Variants in SLC2A12 observed in about 807,000 individuals in gnomAD.
SLC2A12 encodes the protein solute carrier family 2, facilitated glucose transporter member 12.
Under a neutral mutation model 41.8 loss-of-function variants are expected in SLC2A12, and 23 were observed. The ratio of observed to expected loss-of-function variants is 0.55; its 90% CI spans 0.40 to 0.78. SLC2A12 has a LOEUF of 0.78. Ranked by LOEUF, SLC2A12 falls within the 30% of genes least tolerant of loss-of-function variation. SLC2A12 has a pLI of 0.00. For missense variants in SLC2A12, 654 were observed against 745.6 expected, an observed-to-expected ratio of 0.88 and a Z score of 1.43; for synonymous variants, 295 against 285.9, an observed-to-expected ratio of 1.03 and a Z score of -0.32.
chr6:134,026,337 T>C (rs1777112022), intron 2 of SLC2A12, among the ~76,000 whole-genome samples: 1 of 152,226 alleles, frequency 6.6e-6, no homozygotes, highest in Non-Finnish European at 1.5e-5. Flanking sequence ...GCAAAGCTTA[T>C]TGTACTTGTT....
intron 4 of SLC2A12, among the ~76,000 whole-genome samples, chr6:134,001,071 G>A (rs184294770): frequency 3.6e-4 from 54 of 151,954 alleles, no homozygotes; most frequent in African/African-American, 1.3e-3. Context: ...AAACCTGTTG[G>A]GGGGAGCTAG....
rs766209296 is a variant in SLC2A12, at chr6:134,052,461, G to C, written c.20C>G (p.Thr7Ser). Residue 7 changes from threonine (T) to serine (S), a missense_variant, in exon 1 of 5, where the codon ACC becomes AGC. Transcript: ENST00000275230. MVPVENTEGPSLLNQKG... is the reference protein window; with the variant it reads MVPVENSEGPSLLNQKG... ...CTGGTTCAGCAGACTGGGGCCCTCG[G>C]TGTTTTCAACAGGTACCATGGTCAC... 2 of 1,613,314 alleles carry C rather than the reference G, an allele frequency of 1.2e-6. No individual in the cohort carries two copies. The highest frequency in any genetic ancestry group is 1.7e-6 in the Non-Finnish European group (2 of 1,180,004).
Position 133,991,266 on chromosome 6 carries a change from T to C in SLC2A12, c.1743A>G (p.Gln581=), listed in dbSNP as rs1390995321. The change falls in exon 5 of 5, where the codon CAA becomes CAG. Residue 581 remains glutamine, a synonymous_variant. Transcript: ENST00000275230. ...KNNICFMSHH[Q]EELVPKQPQK... ...GAGGCTGTTTTGGCACTAATTCTTC[T>C]TGGTGATGACTCATAAAACAAATGT... 1.2e-6 allele frequency: 2 copies of C among 1,613,992 alleles called. No individual in the cohort carries two copies. The highest frequency in any genetic ancestry group is 3.3e-5 in the Admixed American group (2 of 59,996).
intron 2 of SLC2A12, among the ~76,000 whole-genome samples, chr6:134,015,958 G>A (rs1776955522): frequency 6.6e-6 from 1 of 152,234 alleles, no homozygotes; most frequent in African/African-American, 2.4e-5. Flanking sequence ...AAACCAAACA[G>A]AGCAAAAAGC....
At chr6:134,017,862 GAA>G (rs1199696113) in intron 2 of SLC2A12, among the ~76,000 whole-genome samples, 1 of 110,248 alleles carries the variant, frequency 9.1e-6, no homozygotes, top group Non-Finnish European at 2.0e-5. Flanking sequence ...TGTCTCAAAA[GAA>G]AAAAAAAAAA....
At chr6:134,046,025 T>C (rs776399979) in intron 1 of SLC2A12, among the ~76,000 whole-genome samples, 25 of 152,354 alleles carry the variant, frequency 1.6e-4, no homozygotes, top group Middle Eastern at 3.4e-3. Flanking sequence ...ATTTCATTAG[T>C]GTGAGGATGC....
Position 134,028,423 on chromosome 6 carries a change from A to C in SLC2A12, c.1402T>G (p.Leu468Val). The change falls in exon 2 of 5, where the codon TTG (leucine) becomes GTG (valine). Residue 468 changes from leucine (L) to valine (V), a missense_variant. Leu to Val is a conservative substitution (Grantham distance 32). Transcript: ENST00000275230. The part of the protein sequence containing the change: ...AFLKWLSLAS[L>V]LVYVAAFSIG... The stretch of plus-strand genomic sequence containing the variant: ...GAAAAAGCAGCAACATAAACAAGCA[A>C]GCTGGCTAAGGACAGCCATTTCAAA... The C allele has an allele frequency of 6.2e-7, 1 of 1,613,890 alleles. No individual in the cohort carries two copies. The highest frequency in any genetic ancestry group is 8.5e-7 in the Non-Finnish European group (1 of 1,179,884).
intron 1 of SLC2A12, among the ~76,000 whole-genome samples, chr6:134,043,414 C>T (rs1029252263): frequency 1.3e-5 from 2 of 152,024 alleles, no homozygotes; most frequent in Non-Finnish European, 2.9e-5. Flanking sequence ...ATGGTGACAC[C>T]ATAAAGCTGT....
intron 1 of SLC2A12, among the ~76,000 whole-genome samples, chr6:134,034,700 G>A (rs899131141): frequency 1.3e-5 from 2 of 152,210 alleles, no homozygotes; most frequent in Admixed American, 6.5e-5. Flanking sequence ...GGAAGGTGGG[G>A]TTTGTGTTTG....
intron 2 of SLC2A12, among the ~76,000 whole-genome samples, chr6:134,013,030 A>G (rs1404397645): frequency 6.6e-6 from 1 of 152,178 alleles, no homozygotes; most frequent in African/African-American, 2.4e-5. Flanking sequence ...GAAAGTTTAC[A>G]TTGTTTCTTT....
At chr6:134,008,620 C>T (rs1776842861) in intron 2 of SLC2A12, among the ~76,000 whole-genome samples, 1 of 152,176 alleles carries the variant, frequency 6.6e-6, no homozygotes, top group Non-Finnish European at 1.5e-5. Context: ...CTCAGGTAAC[C>T]CTGTCTTGAG....
At chr6:134,042,643 G>A (rs1777398206) in intron 1 of SLC2A12, among the ~76,000 whole-genome samples, 1 of 151,972 alleles carries the variant, frequency 6.6e-6, no homozygotes, top group African/African-American at 2.4e-5. Flanking sequence ...ATGACAAGAA[G>A]CCTGAGGATT....
At chr6:134,020,288 G>A (rs1370291862) in intron 2 of SLC2A12, among the ~76,000 whole-genome samples, 1 of 152,126 alleles carries the variant, frequency 6.6e-6, no homozygotes, top group Non-Finnish European at 1.5e-5. Context: ...TGCTTTCAAT[G>A]TTACTTTAGA....
At chr6:133,993,613 A>G (rs1776650104) in intron 4 of SLC2A12, among the ~76,000 whole-genome samples, 1 of 152,258 alleles carries the variant, frequency 6.6e-6, no homozygotes, top group African/African-American at 2.4e-5. Flanking sequence ...GCAGGAAGAG[A>G]TAGACAGTAG....
chr6:134,045,096 T>C (rs1320437951), intron 1 of SLC2A12, among the ~76,000 whole-genome samples: 1 of 152,222 alleles, frequency 6.6e-6, no homozygotes, highest in Non-Finnish European at 1.5e-5. Flanking sequence ...CTACCTATTA[T>C]GAATTGCACA....
chr6:134,042,075 T>A (rs918156586), intron 1 of SLC2A12, among the ~76,000 whole-genome samples: 1 of 152,226 alleles, frequency 6.6e-6, no homozygotes, highest in Non-Finnish European at 1.5e-5. Flanking sequence ...AGTTGTTTTT[T>A]AAAAAATTCA....
chr6:133,994,388 T>G (rs1384100157), intron 4 of SLC2A12, among the ~76,000 whole-genome samples: 2 of 152,232 alleles, frequency 1.3e-5, no homozygotes, highest in African/African-American at 4.8e-5. Context: ...TCTAGAGAGA[T>G]AGCTAGAGAC....
rs570596102 is a variant in SLC2A12 at position 134,020,021 on chromosome 6, T to C, written c.1444+8360A>G. On this transcript the variant is annotated intron_variant, in intron 2 of 4. Transcript: ENST00000275230. ...GCCTGGGCAACAGAGTGAGATTCCA[T>C]CTCAAAAAAAAAAAAAAAAAAGTAT... Among the ~76,000 whole-genome samples the C allele has an allele frequency of 4.7e-3, 604 of 128,660 alleles. 4 individuals are homozygous for C. Among genetic ancestry groups the C allele is most frequent in the African/African-American group, 0.017 (572 of 34,514 alleles). The allele number at this position is 128,660 out of a possible 152,430, so 84.4% of individuals were successfully genotyped here.
At position 133,991,030 on chromosome 6, in the gene SLC2A12, A is replaced by C. The variant is rs1031222846; in HGVS notation, c.*125T>G. 7 of 1,117,340 alleles carry C rather than the reference A, an allele frequency of 6.3e-6. No individual in the cohort carries two copies. In the African/African-American group the frequency reaches 1.1e-4, roughly 18 times the overall value. 69.2% of individuals were successfully genotyped at this position (1,117,340 alleles called of 1,614,324 possible). A position where few individuals can be genotyped will look rare whatever the true frequency, so the allele number is the denominator to read the frequency against. On this transcript the variant is annotated 3_prime_UTR_variant, in exon 5 of 5. Transcript: ENST00000275230. ...TTAAAGGCTGTCTTTATCATTTCAG[A>C]GTGTCTCTTCAAAACCAGTTCCATG...
Sources: gnomAD v4.1 joint callset for allele counts (sites outside exome capture counted in the v4.1 genomes callset) on GRCh38, gnomAD v4.1.1 for gene constraint, MANE v1.5 for transcripts, NCBI Gene and HGNC (gene_info 2026-07-23, HGNC 2026-07-21) for gene names.